The following ITPR3 variants were observed in gnomAD, a reference collection of about 807,000 sequenced individuals.
The protein encoded by ITPR3 is inositol 1,4,5-trisphosphate receptor type 3, also known as inositol 1,4,5-trisphosphate-gated calcium channel ITPR3.
In ITPR3, 173 loss-of-function variants were observed where a neutral mutation model predicts 293.2. The ratio of observed to expected loss-of-function variants is 0.59; its 90% CI spans 0.52 to 0.67. The LOEUF (loss-of-function observed/expected upper bound fraction) is 0.67. Among genes scored for constraint, ITPR3 ranks in the 30% least tolerant of loss-of-function variants. The probability of loss-of-function intolerance (pLI) is 0.00; values close to 1 mark genes in which losing one functional copy is unlikely to be tolerated. For synonymous variants in ITPR3, 1,295 were observed against 1,444.4 expected (o/e 0.90, Z 2.35); for missense variants, 2,796 against 3,592.1 (o/e 0.78, Z 5.66).
At position 33,663,792 on chromosome 6, in the gene ITPR3, C is replaced by G; in HGVS notation, c.1060C>G (p.Leu354Val). Residue 354 changes from leucine to valine, a missense_variant, in exon 11 of 58, where the codon CTG (leucine) becomes GTG (valine). Leu to Val is a conservative substitution (Grantham distance 32). Transcript: ENST00000605930. ...RNAGEKIKYCLVAVPHGNDIA... is the reference protein window; with the variant it reads ...RNAGEKIKYCVVAVPHGNDIA... Reference sequence around the variant, plus strand: ...TGCTGGGGAGAAGATCAAGTACTGCCTGGTGGCTGTGCCTCATGGCAATGA... The same window carrying G: ...TGCTGGGGAGAAGATCAAGTACTGCGTGGTGGCTGTGCCTCATGGCAATGA... The G allele has an allele frequency of 6.2e-7, 1 of 1,614,198 alleles. No individual in the cohort carries two copies. The highest frequency in any genetic ancestry group is 8.5e-7 in the Non-Finnish European group (1 of 1,180,016).
At position 33,667,053 on chromosome 6, in the gene ITPR3, A is replaced by G; in HGVS notation, c.1552-76A>G. ...TTTAGGGCAGAGTCAGTTGGGACTC[A>G]GGGATGACTCCTGGGATGACTTAGG... On this transcript the variant is annotated intron_variant, in intron 14 of 57. Coordinates refer to ENST00000605930, the MANE Select transcript of ITPR3 (RefSeq NM_002224.4). The surrounding 1 kb of genome is among the most constrained non-coding windows in gnomAD (Gnocchi z 4.4). 1 of 1,528,450 alleles carries G rather than the reference A, an allele frequency of 6.5e-7. No homozygotes were observed. The highest frequency in any genetic ancestry group is 8.9e-7 in the Non-Finnish European group (1 of 1,124,912). The allele number at this position is 1,528,450 out of a possible 1,614,324, so 94.7% of individuals were successfully genotyped here. A position where few individuals can be genotyped will look rare whatever the true frequency, so the allele number is the denominator to read the frequency against.
intron 1 of ITPR3, among the ~76,000 whole-genome samples, chr6:33,636,385 G>T (rs111775500): frequency 6.6e-6 from 1 of 152,116 alleles, no homozygotes; most frequent in Non-Finnish European, 1.5e-5. Flanking sequence ...CAGGAGACCA[G>T]TGAGGAGGTA....
In ITPR3 at chr6:33,643,639, C is replaced by T. The variant is rs1304275375; in HGVS notation, c.160+3085C>T. 3.4e-4 allele frequency among the ~76,000 whole-genome samples: 52 copies of T among 152,156 alleles called. 1 individual carries two copies. The highest frequency in any genetic ancestry group is 3.4e-3 in the Admixed American group (52 of 15,278). Reference sequence around the variant, plus strand: ...AGCCCTTTTTCCTTCTTTTCCTCCTCCTGTTGGGGCAAGGGACCTGGGTAG... The same window carrying T: ...AGCCCTTTTTCCTTCTTTTCCTCCTTCTGTTGGGGCAAGGGACCTGGGTAG... On this transcript the variant is annotated intron_variant, in intron 2 of 57. Coordinates refer to ENST00000605930, the MANE Select transcript of ITPR3 (RefSeq NM_002224.4).
Position 33,690,197 on chromosome 6 carries a change from T to C in ITPR3, c.7031T>C (p.Leu2344Pro), listed in dbSNP as rs757456468. Reference protein sequence around the residue: ...LFAHELFYSILLFDLIYREET... With the variant: ...LFAHELFYSIPLFDLIYREET... ...GCTCATGAGCTGTTCTACAGCATCCTGGTGAGGCCTTCTGGGTGGGCTGGG... is the reference window on the plus strand; with the variant it reads ...GCTCATGAGCTGTTCTACAGCATCCCGGTGAGGCCTTCTGGGTGGGCTGGG... The change falls in exon 51 of 58, where the codon CTG (leucine) becomes CCG (proline). Residue 2344 changes from leucine (L) to proline (P), a missense_variant and splice_region_variant. Leu to Pro is a moderately conservative substitution (Grantham distance 98, BLOSUM62 -3). Transcript: ENST00000605930. 1.3e-5 allele frequency: 21 copies of C among 1,599,652 alleles called. No homozygotes were observed. Among genetic ancestry groups the C allele is most frequent in the Admixed American group, 6.7e-5 (4 of 59,546 alleles).
chr6:33,696,103 T>A lies in ITPR3; in HGVS notation c.*323T>A, dbSNP rs1765537375. Reference sequence around the variant, plus strand: ...TGACAACTCTTTGTAGTCCTCCTTGTGGGTAGTTAAGAGTGGGGTCACCCC... The same window carrying A: ...TGACAACTCTTTGTAGTCCTCCTTGAGGGTAGTTAAGAGTGGGGTCACCCC... On this transcript the variant is annotated 3_prime_UTR_variant, in exon 58 of 58. Transcript: ENST00000605930. 4 of 321,632 alleles carry A rather than the reference T, an allele frequency of 1.2e-5. No homozygotes were observed. 19.9% of individuals were successfully genotyped at this position (321,632 alleles called of 1,614,324 possible). A position where few individuals can be genotyped will look rare whatever the true frequency, so the allele number is the denominator to read the frequency against.
chr6:33,672,276 T>A lies in ITPR3; in HGVS notation c.2928+48T>A. On this transcript the variant is annotated intron_variant, in intron 22 of 57. Transcript: ENST00000605930. This position sits in a 1 kb window ranked among gnomAD's most constrained non-coding sequence, Gnocchi z 5.0. ...GGAGGTGTTGGGTATAGGGGGAGGG[T>A]AATGGGGCGGGTACAGGGAGGCTGG... is the stretch of plus-strand genomic sequence containing the variant. 53 of 1,143,374 alleles carry A rather than the reference T, an allele frequency of 4.6e-5. No individual in the cohort carries two copies. The highest frequency in any genetic ancestry group is 5.8e-5 in the Non-Finnish European group (45 of 772,002). The allele number at this position is 1,143,374 out of a possible 1,614,324, so 70.8% of individuals were successfully genotyped here. A position where few individuals can be genotyped will look rare whatever the true frequency, so the allele number is the denominator to read the frequency against.
chr6:33,678,098 C>T (rs1042971321), intron 28 of ITPR3, among the ~76,000 whole-genome samples: 1 of 152,116 alleles, frequency 6.6e-6, no homozygotes, highest in African/African-American at 2.4e-5. Flanking sequence ...CACCCTGGCT[C>T]CTGACTCCAA....
chr6:33,662,430 C>T lies in ITPR3; in HGVS notation c.712-98C>T, dbSNP rs549420751. On this transcript the variant is annotated intron_variant, in intron 7 of 57. Transcript: ENST00000605930. ...GGCTCTGGAAGAGGGGCCCTGCCAG[C>T]AGCCAACCCTGTCTGAGGCAGGTGG... 467 of 1,393,738 alleles carry T rather than the reference C, an allele frequency of 3.4e-4. 1 individual carries two copies. Among genetic ancestry groups the T allele is most frequent in the Admixed American group, 6.5e-4 (29 of 44,634 alleles). 86.3% of individuals were successfully genotyped at this position (1,393,738 alleles called of 1,614,324 possible). A position where few individuals can be genotyped will look rare whatever the true frequency, so the allele number is the denominator to read the frequency against.
At chr6:33,657,610 G>T (rs547427468) in intron 3 of ITPR3, among the ~76,000 whole-genome samples, 3 of 151,978 alleles carry the variant, frequency 2.0e-5, no homozygotes, top group Non-Finnish European at 4.4e-5. Context: ...AGGTTCCTGG[G>T]GGGGTAAGGG....
At position 33,692,041 on chromosome 6, in the gene ITPR3, T is replaced by TC; in HGVS notation, c.7458+118dup. 7.2e-7 allele frequency: 1 copy of TC among 1,398,554 alleles called. No homozygotes were observed. Among genetic ancestry groups the TC allele is most frequent in the Non-Finnish European group, 9.9e-7 (1 of 1,005,856 alleles). 86.6% of individuals were successfully genotyped at this position (1,398,554 alleles called of 1,614,324 possible). On this transcript the variant is annotated intron_variant, in intron 54 of 57. Transcript: ENST00000605930. This position sits in a 1 kb window ranked among gnomAD's most constrained non-coding sequence, Gnocchi z 4.2. The stretch of plus-strand genomic sequence containing the variant: ...GTCAGATATTCAGGGTTGAACCCCC[T>TC]CCCCCGAACTTGTATCCACTTTTCC...
rs529742681 is a variant in ITPR3, at chr6:33,624,598, T to C, written c.89+2907T>C. Among the ~76,000 whole-genome samples the C allele has an allele frequency of 6.6e-6, 1 of 152,368 alleles. No individual in the cohort carries two copies. Among genetic ancestry groups the C allele is most frequent in the East Asian group, 1.9e-4 (1 of 5,188 alleles). On this transcript the variant is annotated intron_variant, in intron 1 of 57. Coordinates refer to ENST00000605930, the MANE Select transcript of ITPR3 (RefSeq NM_002224.4). The surrounding 1 kb of genome is among the most constrained non-coding windows in gnomAD (Gnocchi z 4.7). ...TCCTCCTCAGAATCCTTCTGCCTCC[T>C]TTCTGAACTCTGGTCCCCTCTGCTT...
At chr6:33,661,398 C>G (rs767193313) in intron 7 of ITPR3, among the ~76,000 whole-genome samples, 2 of 152,154 alleles carry the variant, frequency 1.3e-5, no homozygotes, top group African/African-American at 2.4e-5. Context: ...AGATTCATGT[C>G]CCATTTGCCA....
chr6:33,644,018 T>C (rs939682189), intron 2 of ITPR3, among the ~76,000 whole-genome samples: 1 of 152,174 alleles, frequency 6.6e-6, no homozygotes, highest in African/African-American at 2.4e-5. Context: ...GGTGAAACCC[T>C]GTCTCTACTA....
chr6:33,626,962 C>G (rs1022554382), intron 1 of ITPR3, among the ~76,000 whole-genome samples: 1 of 152,158 alleles, frequency 6.6e-6, no homozygotes, highest in Admixed American at 6.5e-5. Flanking sequence ...TGTGCCACCA[C>G]GCCCGGCTAA....
Position 33,675,741 on chromosome 6 carries a change from TGC to T in ITPR3, c.3171_3172del (p.Val1058AlafsTer79), listed in dbSNP as rs1561872326. On this transcript the variant is annotated frameshift_variant, in exon 25 of 58. Transcript: ENST00000605930. LOFTEE classifies it high-confidence loss of function. This position sits in a 1 kb window ranked among gnomAD's most constrained non-coding sequence, Gnocchi z 5.0. Reference sequence around the variant, plus strand: ...GATGACGAGGGCGGCCGCATGTTCCTGCGCGTGCTCATCCACCTCACCATGCA... The same window carrying T: ...GATGACGAGGGCGGCCGCATGTTCCTGCGTGCTCATCCACCTCACCATGCA... The T allele has an allele frequency of 4.3e-6, 7 of 1,612,850 alleles. No individual in the cohort carries two copies. In the Admixed American group the frequency reaches 1.2e-4, roughly 27 times the overall value.
At position 33,683,967 on chromosome 6, in the gene ITPR3, C is replaced by A; in HGVS notation, c.4789-53C>A. Reference sequence around the variant, plus strand: ...GCGTTTGGGTCGGAGGAATGGCAGTCACACCCGGGTCATTTCTTGGGCCTG... The same window carrying A: ...GCGTTTGGGTCGGAGGAATGGCAGTAACACCCGGGTCATTTCTTGGGCCTG... On this transcript the variant is annotated intron_variant, in intron 35 of 57. Transcript: ENST00000605930. This position sits in a 1 kb window ranked among gnomAD's most constrained non-coding sequence, Gnocchi z 4.5. 6.5e-7 allele frequency: 1 copy of A among 1,543,058 alleles called. No individual in the cohort carries two copies. The highest frequency in any genetic ancestry group is 8.7e-7 in the Non-Finnish European group (1 of 1,144,970).
intron 2 of ITPR3, among the ~76,000 whole-genome samples, chr6:33,641,747 G>A (rs750211199): frequency 7.9e-5 from 12 of 151,600 alleles, no homozygotes; most frequent in East Asian, 3.9e-4. Flanking sequence ...CAACACTCCC[G>A]CCTCCACATC....
At position 33,663,021 on chromosome 6, in the gene ITPR3, G is replaced by A. The variant is rs71565401; in HGVS notation, c.954+15G>A. 1 of 1,584,394 alleles carries A rather than the reference G, an allele frequency of 6.3e-7. No individual in the cohort carries two copies. Among genetic ancestry groups the A allele is most frequent in the Non-Finnish European group, 8.6e-7 (1 of 1,163,590 alleles). On this transcript the variant is annotated intron_variant, in intron 9 of 57. Transcript: ENST00000605930. Reference sequence around the variant, plus strand: ...TGGCTGCTGAGGTGAGCGGGAGGTAGAGGGCATGCTGGGGCTCGTGTGTGC... The same window carrying A: ...TGGCTGCTGAGGTGAGCGGGAGGTAAAGGGCATGCTGGGGCTCGTGTGTGC...
Position 33,693,527 on chromosome 6 carries a change from C to A in ITPR3, c.7625-18C>A, listed in dbSNP as rs780616822. 7 of 1,612,676 alleles carry A rather than the reference C, an allele frequency of 4.3e-6. No homozygotes were observed. Among genetic ancestry groups the A allele is most frequent in the Non-Finnish European group, 5.9e-6 (7 of 1,178,978 alleles). On this transcript the variant is annotated intron_variant, in intron 55 of 57. Coordinates refer to ENST00000605930, the MANE Select transcript of ITPR3 (RefSeq NM_002224.4). ...TCTTGAAGGCTGATGGTTTCATTCC[C>A]GCCCTCTGCACCCTCAGGTCTGGAG...
Sources: gnomAD v4.1 joint callset for allele counts (sites outside exome capture counted in the v4.1 genomes callset) on GRCh38, gnomAD v4.1.1 for gene constraint, Gnocchi (gnomAD v3.1) non-coding constraint, MANE v1.5 for transcripts, NCBI Gene and HGNC (gene_info 2026-07-23, HGNC 2026-07-21) for gene names.